Variants in PALS2 observed in about 807,000 individuals in gnomAD.
PALS2 encodes the protein protein PALS2.
In PALS2, 27 loss-of-function variants were observed where a neutral mutation model predicts 61.6. The ratio of observed to expected loss-of-function variants is 0.44; its 90% CI spans 0.32 to 0.60. The LOEUF is 0.60. Among genes scored for constraint, PALS2 ranks in the 20% least tolerant of loss-of-function variants. The pLI, the probability that PALS2 is intolerant of heterozygous loss-of-function variation, is 0.05. For synonymous variants in PALS2, 236 were observed against 218.6 expected (o/e 1.08, Z -0.70); for missense variants, 554 against 639.4 (o/e 0.87, Z 1.44).
At chr7:24,638,011 C>G (rs143527104) in intron 2 of PALS2, among the ~76,000 whole-genome samples, 1 of 152,040 alleles carries the variant, frequency 6.6e-6, no homozygotes, top group Non-Finnish European at 1.5e-5. Context: ...GGCTCACTTG[C>G]TCCTCTGGTT....
chr7:24,662,897 A>G (rs1348487584), intron 5 of PALS2, among the ~76,000 whole-genome samples: 4 of 152,170 alleles, frequency 2.6e-5, no homozygotes, highest in Non-Finnish European at 1.5e-5. Flanking sequence ...AAAATAGCCC[A>G]AATTTCGGAG....
chr7:24,647,336 A>C (rs1286895167), intron 3 of PALS2, among the ~76,000 whole-genome samples: 1 of 151,972 alleles, frequency 6.6e-6, no homozygotes, highest in East Asian at 1.9e-4. Context: ...TTTAGTAGAG[A>C]CAGTGTTTCA....
Position 24,641,890 on chromosome 7 carries a change from C to CT in PALS2, c.270+23dup, listed in dbSNP as rs765800511. 1.1e-5 allele frequency: 18 copies of CT among 1,603,552 alleles called. No individual in the cohort carries two copies. In the African/African-American group the frequency reaches 1.6e-4, roughly 14 times the overall value. On this transcript the variant is annotated intron_variant, in intron 3 of 11. Transcript: ENST00000222644. ...CCAGGTAACTTTCCCTATCACTCAA[C>CT]TCTCAAGTTCCCTGTATTCCCAAAG...
chr7:24,581,570 A>G (rs772605222), intron 1 of PALS2, among the ~76,000 whole-genome samples: 16 of 152,160 alleles, frequency 1.1e-4, no homozygotes, highest in Non-Finnish European at 1.8e-4. Context: ...GTATTTCTCA[A>G]TCAGGGATGA....
intron 11 of PALS2, among the ~76,000 whole-genome samples, 168 bp downstream of exon 11, chr7:24,680,688 C>T (rs763090997): frequency 5.9e-5 from 9 of 152,194 alleles, no homozygotes; most frequent in South Asian, 2.1e-4. Context: ...CTCCCCGTCC[C>T]GGGTTCAAGC....
At chr7:24,642,393 A>T (rs1241850179) in intron 3 of PALS2, among the ~76,000 whole-genome samples, 3 of 152,208 alleles carry the variant, frequency 2.0e-5, no homozygotes, top group Admixed American at 6.5e-5. Flanking sequence ...TACAAAGAAG[A>T]ATGCATTTCA....
intron 5 of PALS2, among the ~76,000 whole-genome samples, chr7:24,659,738 A>G (rs1190157773): frequency 6.6e-6 from 1 of 152,184 alleles, no homozygotes; most frequent in Non-Finnish European, 1.5e-5. Flanking sequence ...GTTCCCTGTA[A>G]TGCTTTCAAA....
At chr7:24,610,509 T>C (rs1227366843) in intron 1 of PALS2, among the ~76,000 whole-genome samples, 1 of 152,216 alleles carries the variant, frequency 6.6e-6, no homozygotes, top group African/African-American at 2.4e-5. Context: ...AGTCCTACTT[T>C]TCTTTGATTC....
chr7:24,661,145 A>G (rs993465576), intron 5 of PALS2, among the ~76,000 whole-genome samples: 1 of 152,148 alleles, frequency 6.6e-6, no homozygotes, highest in African/African-American at 2.4e-5. Flanking sequence ...AACACTTTAA[A>G]TTGCATTTAA....
intron 2 of PALS2, among the ~76,000 whole-genome samples, chr7:24,630,471 T>C (rs1050431610): frequency 3.3e-5 from 5 of 152,142 alleles, no homozygotes; most frequent in African/African-American, 1.2e-4. Context: ...ATCCCAGAAC[T>C]TAAAGTATAA....
intron 8 of PALS2, among the ~76,000 whole-genome samples, chr7:24,666,456 T>C (rs1377864873): frequency 6.6e-6 from 1 of 152,188 alleles, no homozygotes; most frequent in Non-Finnish European, 1.5e-5. Flanking sequence ...AAAAGAGTTA[T>C]GTTTAGGGCA....
intron 3 of PALS2, among the ~76,000 whole-genome samples, chr7:24,648,631 T>C (rs1044116442): frequency 6.6e-6 from 1 of 151,920 alleles, no homozygotes; most frequent in Non-Finnish European, 1.5e-5. Flanking sequence ...TGAAAAAAAA[T>C]TTAACATTTT....
chr7:24,673,842 G>T (rs1423239340), intron 9 of PALS2, among the ~76,000 whole-genome samples: 1 of 151,456 alleles, frequency 6.6e-6, no homozygotes, highest in Non-Finnish European at 1.5e-5. Flanking sequence ...TTTACTCTCT[G>T]TTTTTTTAGA....
At chr7:24,626,853 A>G (rs1441716777) in intron 2 of PALS2, among the ~76,000 whole-genome samples, 1 of 152,202 alleles carries the variant, frequency 6.6e-6, no homozygotes, top group Non-Finnish European at 1.5e-5. Context: ...CCAATATAGG[A>G]GCTCCCAGAT....
intron 1 of PALS2, among the ~76,000 whole-genome samples, chr7:24,622,011 C>A (rs1784542146): frequency 6.6e-6 from 1 of 151,890 alleles, no homozygotes; most frequent in South Asian, 2.1e-4. Flanking sequence ...TTGTTTCTAG[C>A]CTGTTGTTTA....
At chr7:24,577,939 CTTTTTG>C (rs978537529) in intron 1 of PALS2, among the ~76,000 whole-genome samples, 106 of 152,182 alleles carry the variant, frequency 7.0e-4, no homozygotes, top group African/African-American at 2.2e-3. Flanking sequence ...GATCTTGTCT[CTTTTTG>C]TTTTTGTTTT....
chr7:24,610,722 A>G (rs890596291), intron 1 of PALS2, among the ~76,000 whole-genome samples: 1 of 152,130 alleles, frequency 6.6e-6, no homozygotes, highest in Non-Finnish European at 1.5e-5. Flanking sequence ...TTTTTTCTTT[A>G]TCATCTCTTG....
rs954366909 is a variant in PALS2 at position 24,689,489 on chromosome 7, C to T, written c.*1875C>T. The T allele has an allele frequency of 2.0e-5, 3 of 151,100 alleles. No individual in the cohort carries two copies. Among genetic ancestry groups the T allele is most frequent in the African/African-American group, 4.9e-5 (2 of 41,088 alleles). The allele number at this position is 151,100 out of a possible 1,614,324, so 9.4% of individuals were successfully genotyped here. A position where few individuals can be genotyped will look rare whatever the true frequency, so the allele number is the denominator to read the frequency against. On this transcript the variant is annotated 3_prime_UTR_variant, in exon 12 of 12. Coordinates refer to ENST00000222644, the MANE Select transcript of PALS2 (RefSeq NM_001303037.2). Reference sequence around the variant, plus strand: ...GGAAAAGAAAATATATGACAATAGGCAGTATTGACACATTGTTTAAAATCT... The same window carrying T: ...GGAAAAGAAAATATATGACAATAGGTAGTATTGACACATTGTTTAAAATCT...
intron 5 of PALS2, among the ~76,000 whole-genome samples, chr7:24,655,647 T>G (rs897977329): frequency 2.7e-5 from 4 of 146,086 alleles, no homozygotes; most frequent in African/African-American, 1.0e-4. Flanking sequence ...TTTTTTTTTT[T>G]TTTTTTTGAG....
Sources: gnomAD v4.1 joint callset for allele counts (sites outside exome capture counted in the v4.1 genomes callset) on GRCh38, gnomAD v4.1.1 for gene constraint, MANE v1.5 for transcripts, NCBI Gene and HGNC (gene_info 2026-07-23, HGNC 2026-07-21) for gene names.